PLXNA4: variants seen among roughly 807,000 people sequenced by gnomAD.
PLXNA4 encodes plexin-A4.
In PLXNA4, 44 loss-of-function variants were observed where a neutral mutation model predicts 191.8. The observed-to-expected ratio is 0.23, with a 90% confidence interval of 0.18 to 0.29. The LOEUF (loss-of-function observed/expected upper bound fraction) is 0.29. Ranked by LOEUF, PLXNA4 falls within the 10% of genes least tolerant of loss-of-function variation. The pLI is 1.00. For missense variants in PLXNA4, 1,800 were observed against 2,488.8 expected, an observed-to-expected ratio of 0.72 and a Z score of 5.89; for synonymous variants, 1,082 against 1,009.5, an observed-to-expected ratio of 1.07 and a Z score of -1.36.
chr7:132,323,677 G>A (rs769210658), intron 3 of PLXNA4, among the ~76,000 whole-genome samples: 4 of 152,096 alleles, frequency 2.6e-5, no homozygotes, highest in Non-Finnish European at 4.4e-5. Flanking sequence ...CTATAATGTC[G>A]ACTGTCCTTA....
intron 25 of PLXNA4, among the ~76,000 whole-genome samples, chr7:132,155,193 A>G (rs1033501629): frequency 3.3e-5 from 5 of 152,210 alleles, no homozygotes; most frequent in African/African-American, 1.2e-4. Flanking sequence ...GAGGTCACGG[A>G]CAGTGGCAGA....
intron 8 of PLXNA4, among the ~76,000 whole-genome samples, chr7:132,224,430 G>T (rs951576750): frequency 6.6e-6 from 1 of 152,012 alleles, no homozygotes; most frequent in African/African-American, 2.4e-5. Flanking sequence ...GACATCTCTC[G>T]GACAGTCCTG....
intron 3 of PLXNA4, among the ~76,000 whole-genome samples, chr7:132,349,853 C>T (rs1011058901): frequency 3.3e-5 from 5 of 152,186 alleles, no homozygotes; most frequent in African/African-American, 1.2e-4. Flanking sequence ...CCAACTCAAC[C>T]CATCATCACC....
At chr7:132,145,450 C>A in intron 28 of PLXNA4, 162 bp from the exon 29 acceptor site, 1 of 947,660 alleles carries the variant, frequency 1.1e-6, no homozygotes, top group Non-Finnish European at 1.5e-6. Context: ...TTTCCCATTT[C>A]ATCTGTCTCT....
intron 1 of PLXNA4, among the ~76,000 whole-genome samples, chr7:132,552,433 T>C (rs557671942): frequency 1.3e-5 from 2 of 152,322 alleles, no homozygotes; most frequent in African/African-American, 4.8e-5. Flanking sequence ...AAGCAGTAGC[T>C]GGAAGTACCT....
intron 9 of PLXNA4, 51 bp from the exon 10 acceptor site, chr7:132,211,194 C>A (rs1169396940): frequency 6.6e-7 from 1 of 1,521,736 alleles, no homozygotes; most frequent in Non-Finnish European, 8.9e-7. Flanking sequence ...ACCAAATGAG[C>A]AAGGACCTCT....
At chr7:132,320,925 G>T (rs954175914) in intron 3 of PLXNA4, among the ~76,000 whole-genome samples, 8 of 152,264 alleles carry the variant, frequency 5.3e-5, no homozygotes, top group African/African-American at 1.9e-4. Context: ...CCGCGGCAGG[G>T]CTCACAAGGG....
At chr7:132,234,596 T>TTGTGTGTGTGTGTGTG (rs60249306) in intron 5 of PLXNA4, among the ~76,000 whole-genome samples, 64 of 144,254 alleles carry the variant, frequency 4.4e-4, no homozygotes, top group East Asian at 4.0e-3. Context: ...AGCATGTGTT[T>TTGTGTGTGTGTGTGTG]TGTGTGTGTG....
chr7:132,507,645 A>G lies in PLXNA4; in HGVS notation c.1049T>C (p.Leu350Pro). The change falls in exon 2 of 32, where the codon CTG (leucine) becomes CCG (proline). Residue 350 changes from leucine (L) to proline (P), a missense_variant. Coordinates refer to ENST00000321063, the MANE Select transcript of PLXNA4 (RefSeq NM_020911.2). ...SKGQKRKMKS[L>P]DESALCIFIL... ...GAAGATGCACAGGGCCGACTCATCC[A>G]GGGATTTCATTTTCCGCTTCTGGCC... 1.2e-6 allele frequency: 2 copies of G among 1,614,240 alleles called. No homozygotes were observed. The highest frequency in any genetic ancestry group is 2.2e-5 in the East Asian group (1 of 44,890).
chr7:132,306,804 C>T (rs550225422), intron 3 of PLXNA4, among the ~76,000 whole-genome samples: 1 of 152,138 alleles, frequency 6.6e-6, no homozygotes, highest in African/African-American at 2.4e-5. Context: ...GATGGGGCCA[C>T]ATCTCAGCTC....
intron 3 of PLXNA4, among the ~76,000 whole-genome samples, chr7:132,394,477 A>T (rs1219866159): frequency 6.6e-6 from 1 of 152,182 alleles, no homozygotes; most frequent in East Asian, 1.9e-4. Flanking sequence ...CACCTCTCTG[A>T]CCCTAGGTGT....
At chr7:132,374,553 T>C (rs1406721511) in intron 3 of PLXNA4, among the ~76,000 whole-genome samples, 1 of 152,218 alleles carries the variant, frequency 6.6e-6, no homozygotes, top group Non-Finnish European at 1.5e-5. Flanking sequence ...ATCAGATGTC[T>C]GCAGAGAGGA....
chr7:132,372,386 CCT>C (rs1228137958), intron 3 of PLXNA4, among the ~76,000 whole-genome samples: 9 of 152,208 alleles, frequency 5.9e-5, no homozygotes, highest in Admixed American at 5.9e-4. Flanking sequence ...TGGCCTGGGC[CCT>C]GTTTACTCAA....
chr7:132,262,394 C>G (rs1799679803), intron 4 of PLXNA4, among the ~76,000 whole-genome samples: 1 of 152,174 alleles, frequency 6.6e-6, no homozygotes, highest in South Asian at 2.1e-4. Flanking sequence ...TGCTCTGAAA[C>G]ACATTGTGCT....
At chr7:132,196,062 T>C (rs1797245609) in intron 13 of PLXNA4, among the ~76,000 whole-genome samples, 1 of 152,258 alleles carries the variant, frequency 6.6e-6, no homozygotes, top group African/African-American at 2.4e-5. Flanking sequence ...CTTGTCATAC[T>C]GAAACCCCCA....
At chr7:132,437,496 A>C (rs1008440757) in intron 3 of PLXNA4, among the ~76,000 whole-genome samples, 2 of 147,684 alleles carry the variant, frequency 1.4e-5, no homozygotes, top group African/African-American at 5.0e-5. Context: ...TGTGAGAGTT[A>C]GGGGGTTGTG....
At chr7:132,367,159 T>C (rs1804220611) in intron 3 of PLXNA4, among the ~76,000 whole-genome samples, 1 of 152,208 alleles carries the variant, frequency 6.6e-6, no homozygotes, top group Non-Finnish European at 1.5e-5. Flanking sequence ...CATGTGGATA[T>C]AGAGCAAGTG....
At chr7:132,559,421 T>G (rs1191351167) in intron 1 of PLXNA4, among the ~76,000 whole-genome samples, 1 of 152,194 alleles carries the variant, frequency 6.6e-6, no homozygotes, top group Non-Finnish European at 1.5e-5. Flanking sequence ...TTTCACTTGA[T>G]GTTGTACTGC....
At chr7:132,429,526 CTG>C (rs1431095439) in intron 3 of PLXNA4, among the ~76,000 whole-genome samples, 1 of 152,202 alleles carries the variant, frequency 6.6e-6, no homozygotes, top group African/African-American at 2.4e-5. Flanking sequence ...TCTAGCAAAA[CTG>C]TATTTGCAGA....
Sources: allele counts gnomAD v4.1 joint callset (sites outside exome capture counted in the v4.1 genomes callset), GRCh38; gene constraint gnomAD v4.1.1; transcripts MANE v1.5; gene names NCBI Gene and HGNC (gene_info 2026-07-23, HGNC 2026-07-21).